Variants in TIMM23 observed in about 807,000 individuals in gnomAD.
TIMM23 encodes mitochondrial import inner membrane translocase subunit Tim23.
TIMM23 carries 19 observed loss-of-function variants against 30.7 expected under a neutral mutation model. The ratio of observed to expected loss-of-function variants is 0.62; its 90% confidence interval spans 0.43 to 0.91. The LOEUF is 0.91. Ranked by LOEUF, TIMM23 falls within the 40% of genes least tolerant of loss-of-function variation. The pLI is 0.00. For synonymous variants in TIMM23, 78 were observed against 98.5 expected, an observed-to-expected ratio of 0.79 and a Z score of 1.23; for missense variants, 202 against 269.2, an observed-to-expected ratio of 0.75 and a Z score of 1.75.
At chr10:46,000,739 C>A (rs1838504093) in intron 6 of TIMM23, among the ~76,000 whole-genome samples, 1 of 152,244 alleles carries the variant, frequency 6.6e-6, no homozygotes, top group Admixed American at 6.5e-5. Flanking sequence ...CATGGACTGA[C>A]TTCACAGTCC....
At chr10:45,998,035 T>C (rs1461578120) in intron 6 of TIMM23, among the ~76,000 whole-genome samples, 1 of 152,188 alleles carries the variant, frequency 6.6e-6, no homozygotes. Flanking sequence ...AGGCTGTTCC[T>C]ATAGAACAGG....
At chr10:45,988,989 T>C in intron 6 of TIMM23, 142 bp downstream of exon 6, 1 of 833,186 alleles carries the variant, frequency 1.2e-6, no homozygotes, top group Non-Finnish European at 1.9e-6. Flanking sequence ...GGTTTGGTTT[T>C]TAATTGTGGT....
At chr10:45,981,185 C>T (rs1270456527) in intron 2 of TIMM23, among the ~76,000 whole-genome samples, 7 of 147,138 alleles carry the variant, frequency 4.8e-5, no homozygotes, top group Middle Eastern at 3.4e-3. Flanking sequence ...GCAGTCCACC[C>T]GACTCGGCTT....
chr10:46,002,808 G>GTTTTTT (rs1249590709), intron 6 of TIMM23, among the ~76,000 whole-genome samples: 3 of 115,476 alleles, frequency 2.6e-5, no homozygotes, highest in Admixed American at 8.4e-5. Context: ...CCATTTCATA[G>GTTTTTT]TATTTTTTTT....
At chr10:45,989,980 T>A (rs1236020788) in intron 6 of TIMM23, among the ~76,000 whole-genome samples, 1 of 152,208 alleles carries the variant, frequency 6.6e-6, no homozygotes, top group African/African-American at 2.4e-5. Flanking sequence ...TCTAAAAGAT[T>A]TTAATGATGT....
chr10:45,973,033 C>A (rs1179171531), intron 1 of TIMM23, among the ~76,000 whole-genome samples: 1 of 152,060 alleles, frequency 6.6e-6, no homozygotes, highest in Non-Finnish European at 1.5e-5. Flanking sequence ...TGTGATTGAC[C>A]CTTGATTAAG....
At position 45,978,609 on chromosome 10, in the gene TIMM23, G is replaced by A. The variant is rs1284834371; in HGVS notation, c.165+3097G>A. Among the ~76,000 whole-genome samples, 341 of 152,234 alleles carry A rather than the reference G, an allele frequency of 2.2e-3. 2 individuals carry two copies. Among genetic ancestry groups the A allele is most frequent in the African/African-American group, 7.8e-3 (322 of 41,534 alleles). ...CAATGAGATACCTCTTTACACCCAC[G>A]GGGATCACTATAATCAAAAAGAAAA... is the stretch of plus-strand genomic sequence containing the variant. On this transcript the variant is annotated intron_variant, in intron 2 of 6. Coordinates refer to ENST00000580018, the MANE Select transcript of TIMM23 (RefSeq NM_006327.4).
intron 4 of TIMM23, chr10:45,984,955 T>C (rs1214855178): frequency 5.3e-6 from 1 of 189,092 alleles, no homozygotes. Flanking sequence ...TAAGCATATG[T>C]TCCCCTCCCA....
intron 6 of TIMM23, among the ~76,000 whole-genome samples, chr10:46,002,692 A>T (rs140044338): frequency 1.0e-3 from 154 of 152,182 alleles, no homozygotes; most frequent in African/African-American, 3.6e-3. Flanking sequence ...GAAAAAAATT[A>T]TGAATATGAA....
rs2132258892 is a variant in TIMM23 at position 45,985,371 on chromosome 10, C to T, written c.345-12C>T. ...TTCTAAATACAGATTCTTTCTCTTT[C>T]TGCCCTGATAGGATTTTGAATATGG... On this transcript the variant is annotated splice_polypyrimidine_tract_variant and intron_variant, in intron 4 of 6. Coordinates refer to ENST00000580018, the MANE Select transcript of TIMM23 (RefSeq NM_006327.4). 3 of 1,613,206 alleles carry T rather than the reference C, an allele frequency of 1.9e-6. No homozygotes were observed. The highest frequency in any genetic ancestry group is 1.1e-5 in the South Asian group (1 of 91,056).
intron 6 of TIMM23, among the ~76,000 whole-genome samples, chr10:46,001,538 G>A (rs782476818): frequency 4.6e-5 from 7 of 152,116 alleles, no homozygotes; most frequent in Non-Finnish European, 7.4e-5. Flanking sequence ...CTGGTAGGAC[G>A]CTCGTTGCAG....
intron 6 of TIMM23, among the ~76,000 whole-genome samples, chr10:46,000,846 C>G (rs1838509141): frequency 6.6e-6 from 1 of 152,198 alleles, no homozygotes; most frequent in South Asian, 2.1e-4. Flanking sequence ...TTTTCAATTA[C>G]CGGCCCACCA....
At chr10:45,997,135 C>T (rs1554916871) in intron 6 of TIMM23, among the ~76,000 whole-genome samples, 1 of 151,922 alleles carries the variant, frequency 6.6e-6, no homozygotes, top group Non-Finnish European at 1.5e-5. Context: ...GTGGGAAGAT[C>T]ACTTGAGCTT....
At chr10:45,978,398 G>A (rs1169852559) in intron 2 of TIMM23, among the ~76,000 whole-genome samples, 1 of 152,078 alleles carries the variant, frequency 6.6e-6, no homozygotes, top group Non-Finnish European at 1.5e-5. Context: ...GAAAATATTT[G>A]CATATTATGT....
At chr10:46,002,049 A>T (rs782782307) in intron 6 of TIMM23, among the ~76,000 whole-genome samples, 17 of 152,142 alleles carry the variant, frequency 1.1e-4, no homozygotes, top group Non-Finnish European at 2.1e-4. Context: ...AATATCTGTA[A>T]TTCTTGAGTT....
rs1837535456 is a variant in TIMM23 at position 45,972,826 on chromosome 10, C to T, written c.106+96C>T. 1.4e-4 allele frequency: 220 copies of T among 1,542,628 alleles called. 2 individuals carry two copies. The South Asian group carries it at 2.4e-3, about 17-fold the overall frequency. ...GTTTTATGTTGTTGTTTTTTTTTTC[C>T]TTGCTGGCATTTACAAGCTTAAGTA... On this transcript the variant is annotated intron_variant, in intron 1 of 6. Coordinates refer to ENST00000580018, the MANE Select transcript of TIMM23 (RefSeq NM_006327.4).
Position 46,003,290 on chromosome 10 carries a change from A to G in TIMM23, c.602A>G (p.Lys201Arg). 1.9e-6 allele frequency: 3 copies of G among 1,614,092 alleles called. No homozygotes were observed. Among genetic ancestry groups the G allele is most frequent in the Non-Finnish European group, 2.5e-6 (3 of 1,179,940 alleles). ...CTATATAATAACTGGGAGCACATGAAAGGCTCCTTGCTCCAACAGTCACTC... is the reference window on the plus strand; with the variant it reads ...CTATATAATAACTGGGAGCACATGAGAGGCTCCTTGCTCCAACAGTCACTC... ...YALYNNWEHM[K>R]GSLLQQSL Residue 201 changes from lysine (K) to arginine (R), a missense_variant, in exon 7 of 7, where the codon AAA becomes AGA. Lys to Arg is a conservative substitution (Grantham distance 26, BLOSUM62 2). Coordinates refer to ENST00000580018, the MANE Select transcript of TIMM23 (RefSeq NM_006327.4).
chr10:45,976,782 G>A (rs1837686060), intron 2 of TIMM23, among the ~76,000 whole-genome samples: 1 of 151,962 alleles, frequency 6.6e-6, no homozygotes, highest in South Asian at 2.1e-4. Context: ...GTCTGGCCAG[G>A]GCAATTAGTC....
intron 6 of TIMM23, among the ~76,000 whole-genome samples, chr10:45,990,973 A>T (rs2132269178): frequency 6.6e-6 from 1 of 152,322 alleles, no homozygotes; most frequent in African/African-American, 2.4e-5. Context: ...TAAAATTCAG[A>T]CAAGTTAAAT....
Sources: gnomAD v4.1 joint callset for allele counts (sites outside exome capture counted in the v4.1 genomes callset) on GRCh38, gnomAD v4.1.1 for gene constraint, MANE v1.5 for transcripts, NCBI Gene and HGNC (gene_info 2026-07-23, HGNC 2026-07-21) for gene names.